Variants in C2orf49 observed in about 807,000 individuals in gnomAD.
The protein encoded by C2orf49 is tRNA-splicing ligase complex subunit ASW.
C2orf49 carries 11 observed loss-of-function variants against 20.6 expected under a neutral mutation model. The observed-to-expected ratio is 0.53, with a 90% confidence interval of 0.34 to 0.88. The LOEUF is 0.88. C2orf49 is among the 40% of genes least tolerant of loss of function. The probability of loss-of-function intolerance (pLI) is 0.02; values close to 1 mark genes in which losing one functional copy is unlikely to be tolerated. For missense variants in C2orf49, 289 were observed against 274.2 expected (o/e 1.05, Z -0.38); for synonymous variants, 134 against 108.5 (o/e 1.24, Z -1.46).
chr2:105,370,036 G>T, the C2orf49 span, among the ~76,000 whole-genome samples: 2 of 152,232 alleles, frequency 1.3e-5, no homozygotes, highest in African/African-American at 4.8e-5. Flanking sequence ...TCTCCCGCAG[G>T]CGGAAGCGCA....
At chr2:105,363,014 T>C in the C2orf49 span, 2 of 414,116 alleles carry the variant, frequency 4.8e-6, no homozygotes, top group Non-Finnish European at 8.8e-6. Context: ...AGACTGCAGT[T>C]TTAGCGATAA....
chr2:105,373,683 C>A, the C2orf49 span: 3 of 1,614,204 alleles, frequency 1.9e-6, no homozygotes, highest in Middle Eastern at 1.7e-4. Context: ...TTCTGCACTG[C>A]GAGCAGTGGA....
At position 105,341,859 on chromosome 2, in the gene C2orf49, T is replaced by C. The variant is rs1679679344; in HGVS notation, c.267-989T>C. On this transcript the variant is annotated intron_variant, in intron 2 of 3. Transcript: ENST00000258457. ...CTTCCTGATAACTGGCTATCTCAGA[T>C]TCTTTTAACATGTTTAATTAAAAGG... 2.6e-5 allele frequency among the ~76,000 whole-genome samples: 4 copies of C among 152,216 alleles called. No homozygotes were observed. In the South Asian group the frequency reaches 8.3e-4, roughly 32 times the overall value.
chr2:105,383,083 G>A, the C2orf49 span, among the ~76,000 whole-genome samples: 8 of 152,168 alleles, frequency 5.3e-5, no homozygotes, highest in Admixed American at 1.3e-4. Flanking sequence ...ACGGGGTTTC[G>A]CCATGTTGGC....
chr2:105,342,461 A>G (rs977367768), intron 2 of C2orf49, among the ~76,000 whole-genome samples: 2 of 152,192 alleles, frequency 1.3e-5, no homozygotes. Flanking sequence ...GTCTTGGTAT[A>G]GTTTTATAGT....
At chr2:105,364,393 A>AT in the C2orf49 span, among the ~76,000 whole-genome samples, 3 of 152,376 alleles carry the variant, frequency 2.0e-5, no homozygotes, top group African/African-American at 7.2e-5. Flanking sequence ...GCACCTGCTG[A>AT]TGCCACAAGA....
chr2:105,361,302 TC>T, the C2orf49 span: 1 of 1,613,486 alleles, frequency 6.2e-7, no homozygotes, highest in East Asian at 2.2e-5. Context: ...TTTCCCACAG[TC>T]GGGGCACAGG....
downstream of C2orf49, among the ~76,000 whole-genome samples, chr2:105,351,333 A>T (rs1353570092): frequency 8.7e-6 from 1 of 115,480 alleles, no homozygotes; most frequent in African/African-American, 2.8e-5. Context: ...CCCCAAAAAA[A>T]AAGGTTATTT....
the C2orf49 span, chr2:105,378,335 G>C: frequency 2.6e-6 from 1 of 382,142 alleles, no homozygotes; most frequent in Admixed American, 3.2e-5. Context: ...GAGACCTTCT[G>C]CAGGCGCAGC....
chr2:105,369,515 T>C, the C2orf49 span, among the ~76,000 whole-genome samples: 9 of 152,126 alleles, frequency 5.9e-5, no homozygotes, highest in African/African-American at 2.2e-4. Context: ...GGGCAATGTG[T>C]GAGAGGGAAT....
At position 105,348,306 on chromosome 2, in the gene C2orf49, G is replaced by A. The variant is rs913330594; in HGVS notation, c.*2935G>A. The A allele has an allele frequency of 6.6e-6, 1 of 152,114 alleles. No homozygotes were observed. Among genetic ancestry groups the A allele is most frequent in the Non-Finnish European group, 1.5e-5 (1 of 68,022 alleles). 9.4% of individuals were successfully genotyped at this position (152,114 alleles called of 1,614,324 possible). On this transcript the variant is annotated 3_prime_UTR_variant, in exon 4 of 4. Transcript: ENST00000258457. ...TTTCCAAAGCAGCCTAATTCATCTG[G>A]ACAGCTACCAGGCACTTTGGAAAGT...
At chr2:105,367,397 A>G in the C2orf49 span, among the ~76,000 whole-genome samples, 8 of 152,334 alleles carry the variant, frequency 5.3e-5, no homozygotes, top group East Asian at 1.5e-3. Context: ...TGAAAGAAGG[A>G]TGGACACCCA....
the C2orf49 span, among the ~76,000 whole-genome samples, chr2:105,357,515 T>C: frequency 6.6e-6 from 1 of 152,242 alleles, no homozygotes; most frequent in Admixed American, 6.5e-5. Flanking sequence ...CCATGGATGC[T>C]CAAGTCTCAT....
intron 3 of C2orf49, among the ~76,000 whole-genome samples, chr2:105,344,487 G>T (rs1263888268): frequency 1.3e-5 from 2 of 152,146 alleles, no homozygotes; most frequent in Admixed American, 1.3e-4. Context: ...AGCTATATGT[G>T]AAACACTAAG....
At chr2:105,355,093 G>A in the C2orf49 span, among the ~76,000 whole-genome samples, 1 of 152,186 alleles carries the variant, frequency 6.6e-6, no homozygotes, top group African/African-American at 2.4e-5. Context: ...ATCTCTGAGT[G>A]TTCCAAGAGG....
At chr2:105,340,670 CAAGT>C (rs1309265392) in intron 2 of C2orf49, among the ~76,000 whole-genome samples, 3 of 152,244 alleles carry the variant, frequency 2.0e-5, no homozygotes, top group South Asian at 4.1e-4. Context: ...AAACCACAAG[CAAGT>C]GATTTTTTCT....
At chr2:105,369,316 G>C in the C2orf49 span, among the ~76,000 whole-genome samples, 1 of 152,138 alleles carries the variant, frequency 6.6e-6, no homozygotes, top group African/African-American at 2.4e-5. Context: ...AAAATCTTAT[G>C]GTCCCAAGGA....
At chr2:105,362,334 T>C in the C2orf49 span, among the ~76,000 whole-genome samples, 1 of 152,356 alleles carries the variant, frequency 6.6e-6, no homozygotes, top group Non-Finnish European at 1.5e-5. Context: ...TGTAATGAGC[T>C]CTGCATTACA....
chr2:105,367,863 G>A, the C2orf49 span: 1 of 932,020 alleles, frequency 1.1e-6, no homozygotes, highest in Non-Finnish European at 1.6e-6. Context: ...TTCAGCTCTT[G>A]AAGGCTCGCC....
Sources: gnomAD v4.1 joint callset for allele counts (sites outside exome capture counted in the v4.1 genomes callset) on GRCh38, gnomAD v4.1.1 for gene constraint, MANE v1.5 for transcripts, NCBI Gene and HGNC (gene_info 2026-07-23, HGNC 2026-07-21) for gene names.